SVIL: variants seen among roughly 807,000 people sequenced by gnomAD.
SVIL encodes the protein archvillin.
Under a neutral mutation model 240.4 loss-of-function variants are expected in SVIL, and 101 were observed. The ratio of observed to expected loss-of-function variants is 0.42; its 90% confidence interval spans 0.36 to 0.50. The LOEUF (loss-of-function observed/expected upper bound fraction) is 0.50, where lower values mean the gene tolerates loss of function less well. Among genes scored for constraint, SVIL ranks in the 20% least tolerant of loss-of-function variants. The probability of loss-of-function intolerance (pLI) is 0.01; values close to 1 mark genes in which losing one functional copy is unlikely to be tolerated. For synonymous variants in SVIL, 999 were observed against 1,100.0 expected, an observed-to-expected ratio of 0.91 and a Z score of 1.82; for missense variants, 2,512 against 2,818.7, an observed-to-expected ratio of 0.89 and a Z score of 2.46.
chr10:29,559,660 A>G (rs1466892194), intron 3 of SVIL, among the ~76,000 whole-genome samples: 2 of 152,188 alleles, frequency 1.3e-5, no homozygotes, highest in Admixed American at 1.3e-4. Context: ...ACTTCCAAAC[A>G]TATCCACCTG....
intron 1 of SVIL, among the ~76,000 whole-genome samples, chr10:29,721,340 A>G (rs1008554843): frequency 1.1e-4 from 16 of 152,206 alleles, no homozygotes; most frequent in African/African-American, 3.6e-4. Context: ...GAACACATAC[A>G]GTAAGATGAC....
At chr10:29,552,323 C>T (rs113789102) in intron 5 of SVIL, among the ~76,000 whole-genome samples, 18 of 151,860 alleles carry the variant, frequency 1.2e-4, no homozygotes, top group African/African-American at 3.6e-4. Context: ...CTGAGGCAGG[C>T]GGATCACGAA....
In SVIL at chr10:29,501,513, G is replaced by C. The variant is rs567442921; in HGVS notation, c.3517-2250C>G. Among the ~76,000 whole-genome samples the C allele has an allele frequency of 3.3e-5, 5 of 151,984 alleles. No homozygotes were observed. The South Asian group carries it at 1.0e-3, about 32-fold the overall frequency. On this transcript the variant is annotated intron_variant, in intron 17 of 37. Coordinates refer to ENST00000355867, the MANE Select transcript of SVIL (RefSeq NM_021738.3). ...AGGGGGGCCAATGTCAACAATGAGT[G>C]GTTCTGGTAAAGCGTATGAAAGTGC...
chr10:29,560,914 C>A (rs1032120949), intron 3 of SVIL, among the ~76,000 whole-genome samples: 5 of 147,588 alleles, frequency 3.4e-5, no homozygotes, highest in African/African-American at 1.0e-4. Context: ...TCTTGGCTCA[C>A]GGCAACCTCC....
intron 1 of SVIL, among the ~76,000 whole-genome samples, chr10:29,696,376 C>A (rs1462732945): frequency 1.3e-5 from 2 of 152,102 alleles, no homozygotes; most frequent in African/African-American, 4.8e-5. Context: ...GCCGCCACCC[C>A]GTCTGGGAAG....
intron 3 of SVIL, among the ~76,000 whole-genome samples, chr10:29,641,695 G>T (rs892334239): frequency 2.2e-4 from 34 of 152,204 alleles, no homozygotes; most frequent in Non-Finnish European, 4.4e-5. Flanking sequence ...AAGGTATCCA[G>T]TTACAAATAA....
intron 1 of SVIL, among the ~76,000 whole-genome samples, chr10:29,579,599 G>A (rs893513478): frequency 6.6e-6 from 1 of 152,208 alleles, no homozygotes; most frequent in Admixed American, 6.5e-5. Flanking sequence ...TGACAGTCAC[G>A]GTATTAAACC....
chr10:29,576,095 T>C (rs1955683193), intron 1 of SVIL: 2 of 985,172 alleles, frequency 2.0e-6, no homozygotes, highest in African/African-American at 1.7e-5. Context: ...ATCTGGTACC[T>C]GACTTTTCTC....
intron 29 of SVIL, among the ~76,000 whole-genome samples, chr10:29,474,414 C>A (rs537141467): frequency 6.6e-6 from 1 of 152,012 alleles, no homozygotes; most frequent in Admixed American, 6.6e-5. Flanking sequence ...GGCAACATAG[C>A]AAGACCCCAC....
intron 1 of SVIL, among the ~76,000 whole-genome samples, chr10:29,711,167 A>AG (rs1446544648): frequency 3.3e-5 from 5 of 152,224 alleles, no homozygotes; most frequent in African/African-American, 9.6e-5. Flanking sequence ...TGGGAGGCTG[A>AG]GGAGGGCAGA....
rs537351347 is a variant in SVIL at position 29,644,603 on chromosome 10, G to A, written c.-201+13366C>T. ...ACGGAACCACTTGAACCCAGGAGGCGGAGCTTGCAGTGAGCCGAGATCATG... is the reference window on the plus strand; with the variant it reads ...ACGGAACCACTTGAACCCAGGAGGCAGAGCTTGCAGTGAGCCGAGATCATG... On this transcript the variant is annotated intron_variant, in intron 3 of 35. Coordinates refer to the SVIL transcript ENST00000375400. Among the ~76,000 whole-genome samples the A allele has an allele frequency of 3.3e-5, 5 of 152,210 alleles. No individual in the cohort carries two copies. The East Asian group carries it at 5.8e-4, about 18-fold the overall frequency.
At chr10:29,491,152 C>T (rs1038119587) in intron 21 of SVIL, 133 bp from the exon 22 acceptor site, 6 of 1,005,360 alleles carry the variant, frequency 6.0e-6, no homozygotes, top group Admixed American at 2.8e-5. Context: ...ACCGCCACTC[C>T]CCTGACATGG....
intron 1 of SVIL, among the ~76,000 whole-genome samples, chr10:29,701,758 T>G (rs1355718485): frequency 6.6e-6 from 1 of 152,156 alleles, no homozygotes; most frequent in Non-Finnish European, 1.5e-5. Context: ...AAGTAAATGG[T>G]TCAATTATAA....
Position 29,707,780 on chromosome 10 carries a change from A to G in SVIL, c.-399-21129T>C, listed in dbSNP as rs564894275. ...GTGAGTATATGCCAGGCACTGTGCT[A>G]AGGACTTTTCGTGTATTATTTCATT... On this transcript the variant is annotated intron_variant, in intron 1 of 35. Transcript: ENST00000375400. Among the ~76,000 whole-genome samples the G allele has an allele frequency of 9.2e-5, 14 of 152,276 alleles. No individual in the cohort carries two copies. In the East Asian group the frequency reaches 2.5e-3, roughly 27 times the overall value.
chr10:29,477,604 A>C (rs904882975), intron 29 of SVIL, among the ~76,000 whole-genome samples: 1 of 152,208 alleles, frequency 6.6e-6, no homozygotes, highest in Admixed American at 6.5e-5. Context: ...CACAAGTGAT[A>C]GGGGAGCCGG....
rs770637037 is a variant in SVIL at position 29,535,971 on chromosome 10, G to A, written c.908+18C>T. ...AACACTCATGCACACAAGCCCCAGAGGGCCGGCGTGCGGGTACCTGGAAGG... is the reference window on the plus strand; with the variant it reads ...AACACTCATGCACACAAGCCCCAGAAGGCCGGCGTGCGGGTACCTGGAAGG... On this transcript the variant is annotated intron_variant, in intron 7 of 37. Coordinates refer to ENST00000355867, the MANE Select transcript of SVIL (RefSeq NM_021738.3). The A allele has an allele frequency of 1.9e-6, 3 of 1,613,796 alleles. No individual in the cohort carries two copies. The Admixed American group carries it at 5.0e-5, about 27-fold the overall frequency.
chr10:29,626,009 A>G (rs1383310466), intron 1 of SVIL, among the ~76,000 whole-genome samples: 2 of 152,192 alleles, frequency 1.3e-5, no homozygotes, highest in African/African-American at 4.8e-5. Flanking sequence ...ACTCACAGAA[A>G]CAAAATGGAA....
At chr10:29,718,622 C>T (rs184578057) in intron 1 of SVIL, among the ~76,000 whole-genome samples, 5 of 152,182 alleles carry the variant, frequency 3.3e-5, no homozygotes, top group African/African-American at 1.2e-4. Context: ...TAGACCCAGG[C>T]CATTAGAATT....
intron 1 of SVIL, among the ~76,000 whole-genome samples, chr10:29,695,805 C>CTTT: frequency 1.4e-5 from 2 of 144,530 alleles, no homozygotes; most frequent in East Asian, 2.6e-4. Context: ...TCTCCCTCTC[C>CTTT]CGTCTCCCTC....
Sources: allele counts gnomAD v4.1 joint callset (sites outside exome capture counted in the v4.1 genomes callset), GRCh38; gene constraint gnomAD v4.1.1; transcripts MANE v1.5; gene names NCBI Gene and HGNC (gene_info 2026-07-23, HGNC 2026-07-21).